TRAK1: variants seen among roughly 807,000 people sequenced by gnomAD.
The protein encoded by TRAK1 is trafficking kinesin-binding protein 1.
Under a neutral mutation model 92.1 loss-of-function variants are expected in TRAK1, and 33 were observed. The ratio of observed to expected loss-of-function variants is 0.36; its 90% CI spans 0.27 to 0.48. The LOEUF is 0.48. TRAK1 is among the 20% of genes least tolerant of loss of function. The probability of loss-of-function intolerance (pLI) is 0.99; values close to 1 mark genes in which losing one functional copy is unlikely to be tolerated. For missense variants in TRAK1, 1,123 were observed against 1,257.9 expected, an observed-to-expected ratio of 0.89 and a Z score of 1.62; for synonymous variants, 521 against 517.3, an observed-to-expected ratio of 1.01 and a Z score of -0.10.
chr3:42,149,136 G>A lies in TRAK1; in HGVS notation c.286+23522G>A, dbSNP rs576897346. 14 of 964,968 alleles carry A rather than the reference G, an allele frequency of 1.5e-5. No homozygotes were observed. The Admixed American group carries it at 3.6e-4, about 25-fold the overall frequency. The allele number at this position is 964,968 out of a possible 1,614,324, so 59.8% of individuals were successfully genotyped here. On this transcript the variant is annotated intron_variant, in intron 2 of 15. Coordinates refer to ENST00000327628, the MANE Select transcript of TRAK1 (RefSeq NM_001042646.3). ...GCAACGGTTAGATTGAAAGATGAGCGGCGAGCAGGAGACGAGGCTTGAGTG... is the reference window on the plus strand; with the variant it reads ...GCAACGGTTAGATTGAAAGATGAGCAGCGAGCAGGAGACGAGGCTTGAGTG...
intron 2 of TRAK1, among the ~76,000 whole-genome samples, chr3:42,170,357 C>T (rs1004162262): frequency 5.3e-5 from 8 of 152,166 alleles, no homozygotes; most frequent in Non-Finnish European, 1.0e-4. Context: ...CTCCCAGGTT[C>T]TGAACCTCTG....
chr3:42,087,616 A>G (rs11712096), upstream of TRAK1, among the ~76,000 whole-genome samples: 78,618 of 152,082 alleles, frequency 0.52, 21,628 homozygotes, highest in South Asian at 0.68. Flanking sequence ...TTGTTGACCT[A>G]CTATCCTGAC....
chr3:42,096,085 T>G (rs566749819), intron 1 of TRAK1, among the ~76,000 whole-genome samples: 1 of 152,316 alleles, frequency 6.6e-6, no homozygotes, highest in South Asian at 2.1e-4. Context: ...CACCAGTTTA[T>G]GGTATTTTGC....
At chr3:42,183,453 G>T (rs950864766) in intron 3 of TRAK1, among the ~76,000 whole-genome samples, 1 of 151,704 alleles carries the variant, frequency 6.6e-6, no homozygotes, top group African/African-American at 2.4e-5. Flanking sequence ...CTACCCAAGG[G>T]GCTGAGGCAG....
chr3:42,184,649 C>G (rs1704515330), intron 3 of TRAK1, 36 bp from the exon 4 acceptor site: 2 of 1,596,182 alleles, frequency 1.3e-6, no homozygotes, highest in East Asian at 2.2e-5. Context: ...AAACACAGGT[C>G]TTTTGAATCT....
At chr3:42,118,397 C>T (rs1314999451) in intron 1 of TRAK1, among the ~76,000 whole-genome samples, 2 of 152,162 alleles carry the variant, frequency 1.3e-5, no homozygotes, top group Non-Finnish European at 2.9e-5. Context: ...CCGCTGAGAT[C>T]TGTATTTACA....
chr3:42,134,938 A>G (rs917010708), intron 2 of TRAK1, among the ~76,000 whole-genome samples: 8 of 151,486 alleles, frequency 5.3e-5, no homozygotes, highest in African/African-American at 1.9e-4. Context: ...CAGTGGCATT[A>G]ATTATAGCTT....
chr3:42,038,075 G>A (rs562960660), intron 1 of TRAK1, among the ~76,000 whole-genome samples: 1 of 152,308 alleles, frequency 6.6e-6, no homozygotes, highest in Non-Finnish European at 1.5e-5. Context: ...CCATGTTTAA[G>A]TGAAAGACAG....
At chr3:42,179,551 T>G (rs181092967) in intron 3 of TRAK1, among the ~76,000 whole-genome samples, 4 of 152,310 alleles carry the variant, frequency 2.6e-5, no homozygotes, top group Admixed American at 6.5e-5. Flanking sequence ...CACTGGCCCC[T>G]TAGTCATGCT....
At chr3:42,107,178 A>AT (rs1300282740) in intron 1 of TRAK1, among the ~76,000 whole-genome samples, 1 of 152,172 alleles carries the variant, frequency 6.6e-6, no homozygotes, top group Non-Finnish European at 1.5e-5. Context: ...AATCATAAAC[A>AT]TTGGGTAGAA....
Position 42,040,558 on chromosome 3 carries a change from A to G in TRAK1, c.-519+26441A>G, listed in dbSNP as rs754479523. The stretch of plus-strand genomic sequence containing the variant: ...ATTCGTTGAAAAGACTGTTCTTTCC[A>G]TATTGAGTTGCCTTATTGAAAATCA... On this transcript the variant is annotated intron_variant, in intron 1 of 16. Transcript: ENST00000487159. Among the ~76,000 whole-genome samples the G allele has an allele frequency of 3.9e-5, 6 of 152,298 alleles. No homozygotes were observed. In the East Asian group the frequency reaches 5.8e-4, roughly 15 times the overall value.
intron 1 of TRAK1, among the ~76,000 whole-genome samples, chr3:42,014,879 T>A (rs1046135024): frequency 6.6e-6 from 1 of 152,142 alleles, no homozygotes; most frequent in Non-Finnish European, 1.5e-5. Context: ...CAATACTGTC[T>A]GTGAGTGTGT....
rs28368208 is a variant in TRAK1, at chr3:42,069,545, T to C, written c.-518-17559T>C. On this transcript the variant is annotated intron_variant, in intron 1 of 16. Coordinates refer to the TRAK1 transcript ENST00000487159. ...AATATTCTTTAATTATATTTTTACA[T>C]GTCTCACTTTTATTTAAATAGGGAT... 5.6e-3 allele frequency among the ~76,000 whole-genome samples: 852 copies of C among 152,288 alleles called. 7 individuals carry two copies. The highest frequency in any genetic ancestry group is 0.019 in the African/African-American group (808 of 41,556).
intron 2 of TRAK1, among the ~76,000 whole-genome samples, chr3:42,148,218 T>G (rs1699557714): frequency 6.6e-6 from 1 of 152,078 alleles, no homozygotes; most frequent in Non-Finnish European, 1.5e-5. Context: ...TGTCACATCT[T>G]GGGGGTGGAG....
chr3:42,055,354 T>TA (rs1703158334), intron 1 of TRAK1, among the ~76,000 whole-genome samples: 1 of 152,264 alleles, frequency 6.6e-6, no homozygotes, highest in South Asian at 2.1e-4. Context: ...AAAGCTTTGT[T>TA]AAAATAACAG....
At chr3:42,141,951 C>T (rs1268068612) in intron 2 of TRAK1, among the ~76,000 whole-genome samples, 2 of 152,236 alleles carry the variant, frequency 1.3e-5, no homozygotes, top group South Asian at 2.1e-4. Context: ...GCCTGGCTAA[C>T]ATGACGAAAA....
chr3:42,220,551 G>C (rs1216572685), intron 15 of TRAK1: 1 of 985,344 alleles, frequency 1.0e-6, no homozygotes, highest in Non-Finnish European at 1.2e-6. Context: ...GCTGAGAGGA[G>C]ATATAGGGCA....
At chr3:42,050,496 A>T (rs1178367083) in intron 1 of TRAK1, among the ~76,000 whole-genome samples, 2 of 152,052 alleles carry the variant, frequency 1.3e-5, no homozygotes, top group African/African-American at 4.8e-5. Flanking sequence ...ACCCCCTTAG[A>T]GTTCATCGCT....
intron 1 of TRAK1, among the ~76,000 whole-genome samples, chr3:42,031,573 C>T (rs58789787): frequency 0.074 from 11,214 of 151,962 alleles, 478 homozygotes; most frequent in Middle Eastern, 0.21. Context: ...TTTGAGGTTA[C>T]GGTGAGCCAT....
Sources: gnomAD v4.1 joint callset for allele counts (sites outside exome capture counted in the v4.1 genomes callset) on GRCh38, gnomAD v4.1.1 for gene constraint, MANE v1.5 for transcripts, NCBI Gene and HGNC (gene_info 2026-07-23, HGNC 2026-07-21) for gene names.